PCLO: variants seen among roughly 807,000 people sequenced by gnomAD.
PCLO encodes the protein piccolo presynaptic cytomatrix protein.
A neutral mutation model predicts 427.5 loss-of-function variants in PCLO; 82 were observed. The observed-to-expected ratio is 0.19, with a 90% CI of 0.16 to 0.23. PCLO has a LOEUF of 0.23. PCLO is among the 10% of genes least tolerant of loss of function. The probability of loss-of-function intolerance (pLI) is 1.00; values close to 1 mark genes in which losing one functional copy is unlikely to be tolerated. For missense variants in PCLO, 6,239 were observed against 6,115.9 expected (o/e 1.02, Z -0.67); for synonymous variants, 2,357 against 2,155.4 (o/e 1.09, Z -2.59).
At position 82,760,334 on chromosome 7, in the gene PCLO, A is replaced by G. The variant is rs140464746; in HGVS notation, c.15288+305T>C. Among the ~76,000 whole-genome samples the G allele has an allele frequency of 1.1e-4, 16 of 152,066 alleles. 1 individual carries two copies. The highest frequency in any genetic ancestry group is 3.6e-4 in the African/African-American group (15 of 41,522). ...ATAAATGACAATAGGCCAGGTAAAC[A>G]GATGAAATGATTTGAATAACAAAGA... On this transcript the variant is annotated intron_variant, in intron 24 of 24. Transcript: ENST00000333891.
At chr7:82,853,942 T>C (rs1175765137) in intron 10 of PCLO, among the ~76,000 whole-genome samples, 1 of 152,186 alleles carries the variant, frequency 6.6e-6, no homozygotes, top group Non-Finnish European at 1.5e-5. Flanking sequence ...CTTGTAAATA[T>C]GCATTTTTTG....
At chr7:82,856,949 G>A (rs966127831) in intron 10 of PCLO, among the ~76,000 whole-genome samples, 9 of 151,994 alleles carry the variant, frequency 5.9e-5, no homozygotes, top group African/African-American at 1.9e-4. Context: ...GTGAGTTCCA[G>A]ATACAAAGGA....
chr7:83,152,533 C>T (rs903536299), intron 2 of PCLO, among the ~76,000 whole-genome samples: 8 of 152,322 alleles, frequency 5.3e-5, no homozygotes, highest in African/African-American at 1.9e-4. Flanking sequence ...TTCAACCTAT[C>T]TCCAATCTCA....
intron 3 of PCLO, among the ~76,000 whole-genome samples, chr7:83,054,707 T>C (rs548711634): frequency 2.0e-5 from 3 of 151,934 alleles, no homozygotes; most frequent in African/African-American, 2.4e-5. Flanking sequence ...AGAGGTCAAT[T>C]GGCTGAAAAA....
At chr7:82,808,116 A>C (rs941489360) in intron 20 of PCLO, among the ~76,000 whole-genome samples, 5 of 151,976 alleles carry the variant, frequency 3.3e-5, no homozygotes, top group African/African-American at 1.2e-4. Flanking sequence ...AAGCTGTCAT[A>C]CTTTTTGATG....
intron 10 of PCLO, among the ~76,000 whole-genome samples, chr7:82,855,824 C>T (rs923583285): frequency 1.3e-5 from 2 of 152,020 alleles, no homozygotes; most frequent in Non-Finnish European, 1.5e-5. Context: ...ATAGGAGGTG[C>T]AGATTCAGTG....
intron 22 of PCLO, among the ~76,000 whole-genome samples, chr7:82,766,101 G>C (rs542075837): frequency 6.6e-6 from 1 of 152,174 alleles, no homozygotes; most frequent in Non-Finnish European, 1.5e-5. Flanking sequence ...ACAAAACCCT[G>C]AGAATTATTA....
intron 20 of PCLO, among the ~76,000 whole-genome samples, chr7:82,809,137 T>C (rs1239126229): frequency 6.6e-6 from 1 of 151,876 alleles, no homozygotes; most frequent in Non-Finnish European, 1.5e-5. Context: ...ACAAATAAAG[T>C]GTATTTAGGA....
chr7:82,918,583 G>A (rs1319634141), intron 6 of PCLO, among the ~76,000 whole-genome samples: 4 of 151,980 alleles, frequency 2.6e-5, no homozygotes, highest in Admixed American at 2.6e-4. Flanking sequence ...GATATGTCAT[G>A]TTTTTTGAAA....
intron 22 of PCLO, among the ~76,000 whole-genome samples, chr7:82,763,232 T>A (rs1790466934): frequency 6.6e-6 from 1 of 152,136 alleles, no homozygotes; most frequent in Admixed American, 6.6e-5. Context: ...AAGTGTCTAC[T>A]AGCATAGTTT....
chr7:82,876,204 G>A (rs1365768814), intron 10 of PCLO, among the ~76,000 whole-genome samples: 1 of 151,742 alleles, frequency 6.6e-6, no homozygotes, highest in Non-Finnish European at 1.5e-5. Flanking sequence ...TTTAAACTAT[G>A]AAATGTTCAA....
At chr7:82,805,856 C>T (rs776567783) in intron 20 of PCLO, 27 bp from the exon 21 acceptor site, 6 of 1,580,056 alleles carry the variant, frequency 3.8e-6, no homozygotes, top group South Asian at 3.5e-5. Flanking sequence ...GATTCAACAC[C>T]ACAGTCAATA....
chr7:82,850,006 A>G (rs1792607018), intron 10 of PCLO, among the ~76,000 whole-genome samples: 1 of 150,212 alleles, frequency 6.7e-6, no homozygotes, highest in African/African-American at 2.5e-5. Flanking sequence ...GCTTATTATT[A>G]TTATTATTTA....
In PCLO at chr7:82,955,519, C is replaced by G. The variant is rs1795490227; in HGVS notation, c.5434G>C (p.Asp1812His). 6.2e-7 allele frequency: 1 copy of G among 1,613,740 alleles called. No homozygotes were observed. Among genetic ancestry groups the G allele is most frequent in the African/African-American group, 1.3e-5 (1 of 74,872 alleles). Residue 1812 changes from aspartate (D) to histidine (H), a missense_variant, in exon 5 of 25, where the codon GAT (aspartate) becomes CAT (histidine). Coordinates refer to ENST00000333891, the MANE Select transcript of PCLO (RefSeq NM_033026.6). Reference protein sequence around the residue: ...SSSKKSKKDKDELRAQRRRER... With the variant: ...SSSKKSKKDKHELRAQRRRER... ...CTTCTTCTCTGAGCTCGAAGTTCATCTTTGTCTTTCTTTGATTTTTTACTA... is the reference window on the plus strand; with the variant it reads ...CTTCTTCTCTGAGCTCGAAGTTCATGTTTGTCTTTCTTTGATTTTTTACTA...
chr7:82,955,127 T>C lies in PCLO; in HGVS notation c.5826A>G (p.Glu1942=), dbSNP rs998231459. The change falls in exon 5 of 25, where the codon GAA becomes GAG. Residue 1942 remains glutamate, a synonymous_variant. Coordinates refer to ENST00000333891, the MANE Select transcript of PCLO (RefSeq NM_033026.6). ...GCATCCCACCATACAAAGGCTCTTT[T>C]TCAAACACTTCATCTCGTTCATTTG... The part of the protein sequence containing the change: ...PAANERDEVF[E]KEPLYGGMLI... The C allele has an allele frequency of 1.9e-6, 3 of 1,613,844 alleles. No individual in the cohort carries two copies. Among genetic ancestry groups the C allele is most frequent in the Non-Finnish European group, 2.5e-6 (3 of 1,179,858 alleles).
At chr7:82,824,663 A>C (rs1791890002) in intron 18 of PCLO, among the ~76,000 whole-genome samples, 1 of 150,840 alleles carries the variant, frequency 6.6e-6, no homozygotes, top group African/African-American at 2.4e-5. Flanking sequence ...CTATTAACTA[A>C]ATTATTTGGA....
intron 3 of PCLO, among the ~76,000 whole-genome samples, chr7:83,127,519 T>C (rs1465923861): frequency 1.3e-5 from 2 of 152,044 alleles, no homozygotes; most frequent in Non-Finnish European, 2.9e-5. Flanking sequence ...ACTCTGTGGA[T>C]TGTAATAAGA....
chr7:83,150,704 G>T (rs539082032), intron 2 of PCLO, among the ~76,000 whole-genome samples: 1 of 152,118 alleles, frequency 6.6e-6, no homozygotes, highest in South Asian at 2.1e-4. Flanking sequence ...TGATAGATTG[G>T]TAACAAAAAA....
At chr7:83,089,097 A>G (rs1042208803) in intron 3 of PCLO, among the ~76,000 whole-genome samples, 1 of 152,072 alleles carries the variant, frequency 6.6e-6, no homozygotes, top group Non-Finnish European at 1.5e-5. Flanking sequence ...TACAACCAAA[A>G]TTTGGAAAGA....
Sources: gnomAD v4.1 joint callset for allele counts (sites outside exome capture counted in the v4.1 genomes callset) on GRCh38, gnomAD v4.1.1 for gene constraint, MANE v1.5 for transcripts, NCBI Gene and HGNC (gene_info 2026-07-23, HGNC 2026-07-21) for gene names.